C5orf47: variants seen among roughly 807,000 people sequenced by gnomAD.
C5orf47 encodes chromosome 5 open reading frame 47.
C5orf47 carries 20 observed loss-of-function variants against 20.6 expected under a neutral mutation model. That is an observed-to-expected ratio of 0.97 (90% CI 0.68 to 1.41). The LOEUF is 1.41. Among genes scored for constraint, C5orf47 ranks in the 40% most tolerant of loss-of-function variants. C5orf47 has a pLI of 0.00. For missense variants in C5orf47, 262 were observed against 238.4 expected, an observed-to-expected ratio of 1.10 and a Z score of -0.65; for synonymous variants, 106 against 97.3, an observed-to-expected ratio of 1.09 and a Z score of -0.53.
chr5:173,993,233 T>C (rs1004615710), intron 1 of C5orf47, among the ~76,000 whole-genome samples: 5 of 152,184 alleles, frequency 3.3e-5, no homozygotes, highest in Non-Finnish European at 7.4e-5. Context: ...TCATTTTACT[T>C]ACAGTTGTTT....
chr5:174,005,861 C>A lies in C5orf47; in HGVS notation c.*1607C>A, dbSNP rs183656364. On this transcript the variant is annotated 3_prime_UTR_variant, in exon 5 of 5. Transcript: ENST00000340147. ...TAAAATAAGAGTCTAATGCTGGATA[C>A]AAACTCAGTTTATTTCACTGTTCTA... is the stretch of plus-strand genomic sequence containing the variant. 2.6e-4 allele frequency: 39 copies of A among 152,408 alleles called. No individual in the cohort carries two copies. The Middle Eastern group carries it at 0.01, about 40-fold the overall frequency. 9.4% of individuals were successfully genotyped at this position (152,408 alleles called of 1,614,324 possible). A position where few individuals can be genotyped will look rare whatever the true frequency, so the allele number is the denominator to read the frequency against.
chr5:173,992,862 C>A (rs1402850825), intron 1 of C5orf47, among the ~76,000 whole-genome samples: 1 of 152,008 alleles, frequency 6.6e-6, no homozygotes, highest in Non-Finnish European at 1.5e-5. Flanking sequence ...TTCTTTGTGA[C>A]CTAATTTATC....
rs1451201231 is a variant in C5orf47 at position 173,989,524 on chromosome 5, C to G, written c.261C>G (p.Ala87=). Residue 87 remains alanine, a synonymous_variant, in exon 1 of 5, where the codon GCC becomes GCG. Coordinates refer to ENST00000340147, the MANE Select transcript of C5orf47 (RefSeq NM_001144954.2). ...CGACCCCTGGTGTGGAGGCTGCGGC[C>G]TCTGCCTCCTCCCAGCTGCGGGCAT... is the stretch of plus-strand genomic sequence containing the variant. ...VPTTPGVEAA[A]SASSQLRASR... 15 of 1,531,514 alleles carry G rather than the reference C, an allele frequency of 9.8e-6. No homozygotes were observed. Among genetic ancestry groups the G allele is most frequent in the Non-Finnish European group, 1.2e-5 (14 of 1,138,582 alleles). The allele number at this position is 1,531,514 out of a possible 1,614,324, so 94.9% of individuals were successfully genotyped here. A position where few individuals can be genotyped will look rare whatever the true frequency, so the allele number is the denominator to read the frequency against.
intron 4 of C5orf47, among the ~76,000 whole-genome samples, chr5:174,003,603 CAGT>C (rs1759236068): frequency 6.6e-6 from 1 of 152,098 alleles, no homozygotes; most frequent in Non-Finnish European, 1.5e-5. Flanking sequence ...GTAGTTCTAA[CAGT>C]AGATGTAGAT....
At chr5:174,007,881 T>C (rs1296427918), downstream of C5orf47, among the ~76,000 whole-genome samples, 1 of 152,142 alleles carries the variant, frequency 6.6e-6, no homozygotes, top group Admixed American at 6.5e-5. Context: ...TTCATAATAA[T>C]GTAGTCCAAA....
In C5orf47 at chr5:173,989,200, G is replaced by A; in HGVS notation, c.-64G>A. The A allele has an allele frequency of 1.5e-6, 2 of 1,338,146 alleles. No homozygotes were observed. Among genetic ancestry groups the A allele is most frequent in the Admixed American group, 3.7e-5 (1 of 27,124 alleles). The allele number at this position is 1,338,146 out of a possible 1,614,324, so 82.9% of individuals were successfully genotyped here. ...CTCCCGCATCCCTCGCCTGCACAGT[G>A]GGCAGTCTGGCGCCTGTGGCGTCGT... On this transcript the variant is annotated 5_prime_UTR_variant, in exon 1 of 5. Coordinates refer to ENST00000340147, the MANE Select transcript of C5orf47 (RefSeq NM_001144954.2).
chr5:174,003,158 G>T (rs1448732975), intron 4 of C5orf47, among the ~76,000 whole-genome samples: 2 of 152,088 alleles, frequency 1.3e-5, no homozygotes, highest in African/African-American at 4.8e-5. Context: ...GATAGAAAGA[G>T]TATGCAAATA....
chr5:173,990,358 A>G (rs1758970303), intron 1 of C5orf47, among the ~76,000 whole-genome samples: 2 of 151,960 alleles, frequency 1.3e-5, no homozygotes, highest in African/African-American at 2.4e-5. Flanking sequence ...CCTGGGCCCA[A>G]CTGATCCTCC....
chr5:173,997,665 G>A (rs184553997), intron 1 of C5orf47, among the ~76,000 whole-genome samples: 48 of 152,198 alleles, frequency 3.2e-4, no homozygotes, highest in Admixed American at 1.8e-3. Context: ...GAAGAGGTAC[G>A]TGTGAGCTGA....
Position 173,998,160 on chromosome 5 carries a change from C to A in C5orf47, c.333C>A (p.Ile111=), listed in dbSNP as rs770436879. ...TTTCTTCTTAAAAATTAGGTTTAATCCAGAAGGATGCAGCTAAAAAGTATG... is the reference window on the plus strand; with the variant it reads ...TTTCTTCTTAAAAATTAGGTTTAATACAGAAGGATGCAGCTAAAAAGTATG... The part of the protein sequence containing the change: ...GTRQSARAGL[I]QKDAAKKYDF... The change falls in exon 2 of 5, where the codon ATC becomes ATA. Residue 111 remains isoleucine, a synonymous_variant. Coordinates refer to ENST00000340147, the MANE Select transcript of C5orf47 (RefSeq NM_001144954.2). The A allele has an allele frequency of 3.9e-6, 6 of 1,531,988 alleles. No individual in the cohort carries two copies. The highest frequency in any genetic ancestry group is 1.7e-4 in the Middle Eastern group (1 of 5,730). 94.9% of individuals were successfully genotyped at this position (1,531,988 alleles called of 1,614,324 possible).
chr5:174,002,559 G>GT lies in C5orf47; in HGVS notation c.*16+1334dup, dbSNP rs1431813063. 2.6e-5 allele frequency among the ~76,000 whole-genome samples: 4 copies of GT among 151,708 alleles called. No individual in the cohort carries two copies. The East Asian group carries it at 7.7e-4, about 29-fold the overall frequency. Reference sequence around the variant, plus strand: ...AGTATATTGTTTACTAAGATTTGCTGTTTTTTAACATCTTGCCACGTTTGC... The same window carrying GT: ...AGTATATTGTTTACTAAGATTTGCTGTTTTTTTAACATCTTGCCACGTTTGC... On this transcript the variant is annotated intron_variant, in intron 4 of 4. Coordinates refer to ENST00000340147, the MANE Select transcript of C5orf47 (RefSeq NM_001144954.2).
downstream of C5orf47, among the ~76,000 whole-genome samples, chr5:174,007,629 C>T (rs1017105585): frequency 4.1e-5 from 6 of 147,822 alleles, no homozygotes; most frequent in Admixed American, 3.4e-4. Context: ...GCGATCTTGG[C>T]TCACTGGAAC....
intron 1 of C5orf47, among the ~76,000 whole-genome samples, chr5:173,992,444 A>G (rs1219705013): frequency 1.3e-5 from 2 of 151,968 alleles, no homozygotes; most frequent in African/African-American, 4.8e-5. Flanking sequence ...TATTCGTTAG[A>G]TATTTTGTTT....
chr5:173,998,194 A>G lies in C5orf47; in HGVS notation c.367A>G (p.Ile123Val), dbSNP rs553250617. 1.9e-6 allele frequency: 3 copies of G among 1,543,144 alleles called. No homozygotes were observed. Among genetic ancestry groups the G allele is most frequent in the East Asian group, 2.4e-5 (1 of 40,888 alleles). Residue 123 changes from isoleucine to valine, a missense_variant, in exon 2 of 5, where the codon ATA becomes GTA. Transcript: ENST00000340147. ...KDAAKKYDFP[I>V]PLNEASKIMK... ...TGCAGCTAAAAAGTATGATTTTCCC[A>G]TACCATTGAATGAAGCTTCCAAAAT...
intron 4 of C5orf47, among the ~76,000 whole-genome samples, chr5:174,001,749 G>T (rs976879901): frequency 6.6e-6 from 1 of 151,904 alleles, no homozygotes. Flanking sequence ...GTGATTGTTG[G>T]TCCCATTCTC....
chr5:173,989,240 C>T lies in C5orf47; in HGVS notation c.-24C>T, dbSNP rs998704643. 284 of 1,373,456 alleles carry T rather than the reference C, an allele frequency of 2.1e-4. No homozygotes were observed. Among genetic ancestry groups the T allele is most frequent in the Non-Finnish European group, 2.5e-4 (267 of 1,063,510 alleles). 85.1% of individuals were successfully genotyped at this position (1,373,456 alleles called of 1,614,324 possible). ...TGTGGCGTCGTGTTTGCTGAGGGCC[C>T]GGCTGCCGTTGACTGAGGCTGCGAT... is the stretch of plus-strand genomic sequence containing the variant. On this transcript the variant is annotated 5_prime_UTR_variant, in exon 1 of 5. Transcript: ENST00000340147.
intron 4 of C5orf47, among the ~76,000 whole-genome samples, chr5:174,002,807 A>T (rs1759222459): frequency 6.6e-6 from 1 of 152,038 alleles, no homozygotes; most frequent in African/African-American, 2.4e-5. Flanking sequence ...ACAGTTCAGG[A>T]TCATGTATTG....
rs1759191862 is a variant in C5orf47 at position 174,001,268 on chromosome 5, A to T, written c.*16+37A>T. The T allele has an allele frequency of 5.3e-6, 6 of 1,129,362 alleles. No homozygotes were observed. The Admixed American group carries it at 1.3e-4, about 25-fold the overall frequency. The allele number at this position is 1,129,362 out of a possible 1,614,324, so 70.0% of individuals were successfully genotyped here. ...TTTACGTAATAATTATGGAATATAG[A>T]TTTTATTCCCTTCCCTTCTGTATCC... On this transcript the variant is annotated intron_variant, in intron 4 of 4. Coordinates refer to ENST00000340147, the MANE Select transcript of C5orf47 (RefSeq NM_001144954.2).
At chr5:173,989,611 G>C in intron 1 of C5orf47, 23 bp downstream of exon 1, 1 of 1,395,976 alleles carries the variant, frequency 7.2e-7, no homozygotes, top group Non-Finnish European at 9.3e-7. Context: ...GGCAGGGCGG[G>C]ACCGGGCGCG....
Sources: gnomAD v4.1 joint callset for allele counts (sites outside exome capture counted in the v4.1 genomes callset) on GRCh38, gnomAD v4.1.1 for gene constraint, MANE v1.5 for transcripts, NCBI Gene and HGNC (gene_info 2026-07-23, HGNC 2026-07-21) for gene names.